Variants in RPA3 observed in about 807,000 individuals in gnomAD.
The protein encoded by RPA3 is replication protein A 14 kDa subunit.
RPA3 carries 24 observed loss-of-function variants against 13.7 expected under a neutral mutation model. The ratio of observed to expected loss-of-function variants is 1.75; its 90% CI spans 1.27 to 2.46. The LOEUF (loss-of-function observed/expected upper bound fraction) is 2.46. Among genes scored for constraint, RPA3 ranks in the 30% most tolerant of loss-of-function variants. The probability of loss-of-function intolerance (pLI) is 0.00; values close to 1 mark genes in which losing one functional copy is unlikely to be tolerated. For missense variants in RPA3, 183 were observed against 151.0 expected, an observed-to-expected ratio of 1.21 and a Z score of -1.11; for synonymous variants, 59 against 51.2, an observed-to-expected ratio of 1.15 and a Z score of -0.65.
intron 4 of RPA3, among the ~76,000 whole-genome samples, chr7:7,667,319 G>A (rs991095775): frequency 1.6e-4 from 25 of 152,180 alleles, no homozygotes; most frequent in Non-Finnish European, 4.4e-5. Flanking sequence ...AAACTACAGA[G>A]AAGGAAATGA....
chr7:7,638,982 T>C (rs1444661261), intron 6 of RPA3, 88 bp downstream of exon 6: 6 of 1,041,454 alleles, frequency 5.8e-6, no homozygotes, highest in Non-Finnish European at 8.1e-6. Flanking sequence ...TTAAATCCAT[T>C]GCAAAAATTA....
chr7:7,643,722 AAAACAAACAAACG>A (rs1330566303), intron 4 of RPA3, among the ~76,000 whole-genome samples: 2 of 5,496 alleles, frequency 3.6e-4, no homozygotes, highest in Non-Finnish European at 7.5e-4. Context: ...AAAAAAAAAA[AAAACAAACAAACG>A]AAAAAAAAAG....
chr7:7,710,753 A>G lies in RPA3; in HGVS notation c.-1028+4422T>C, dbSNP rs79697400. Among the ~76,000 whole-genome samples the G allele has an allele frequency of 5.2e-3, 794 of 152,336 alleles. 4 individuals carry two copies. Among genetic ancestry groups the G allele is most frequent in the African/African-American group, 0.018 (751 of 41,596 alleles). ...TGCATAAAACTGAGTATTTATAGCA[A>G]TTTTATTCATAATAGACCCAAACTG... On this transcript the variant is annotated intron_variant, in intron 2 of 7. Coordinates refer to ENST00000223129, the MANE Select transcript of RPA3 (RefSeq NM_002947.5).
intron 4 of RPA3, among the ~76,000 whole-genome samples, chr7:7,659,533 T>C (rs904932907): frequency 1.3e-5 from 2 of 152,226 alleles, no homozygotes; most frequent in Non-Finnish European, 2.9e-5. Flanking sequence ...TCAAAGAACA[T>C]CTTTATTTCT....
intron 2 of RPA3, among the ~76,000 whole-genome samples, chr7:7,688,054 G>A (rs1414536887): frequency 6.6e-6 from 1 of 152,158 alleles, no homozygotes; most frequent in African/African-American, 2.4e-5. Context: ...TATGTTAGGG[G>A]TTCTTAACCC....
At chr7:7,675,742 C>A (rs1266283466) in intron 4 of RPA3, among the ~76,000 whole-genome samples, 1 of 152,174 alleles carries the variant, frequency 6.6e-6, no homozygotes, top group Non-Finnish European at 1.5e-5. Flanking sequence ...AGCAGTTGAA[C>A]AGTCATGGTG....
At chr7:7,674,876 ATTC>A (rs1372448952) in intron 4 of RPA3, among the ~76,000 whole-genome samples, 1 of 151,982 alleles carries the variant, frequency 6.6e-6, no homozygotes, top group Non-Finnish European at 1.5e-5. Flanking sequence ...TTCACAATAA[ATTC>A]TTCTCTCAGA....
At chr7:7,710,631 A>G (rs1267295949) in intron 2 of RPA3, among the ~76,000 whole-genome samples, 1 of 152,214 alleles carries the variant, frequency 6.6e-6, no homozygotes, top group Non-Finnish European at 1.5e-5. Flanking sequence ...ATTACTCTGG[A>G]AAATAGACAG....
chr7:7,642,444 C>T (rs1052130201), intron 4 of RPA3, among the ~76,000 whole-genome samples: 4 of 147,742 alleles, frequency 2.7e-5, no homozygotes, highest in South Asian at 2.2e-4. Flanking sequence ...CAGGTGTGAG[C>T]CTTGGTGCGT....
intron 2 of RPA3, among the ~76,000 whole-genome samples, chr7:7,696,154 C>T (rs1780311188): frequency 1.3e-5 from 2 of 151,712 alleles, no homozygotes; most frequent in Non-Finnish European, 2.9e-5. Flanking sequence ...TACAGGCATG[C>T]ACCACCATGC....
At chr7:7,664,576 T>C (rs571085825) in intron 4 of RPA3, among the ~76,000 whole-genome samples, 1 of 152,336 alleles carries the variant, frequency 6.6e-6, no homozygotes, top group Admixed American at 6.5e-5. Flanking sequence ...TTTGCTTTCC[T>C]CTATACCCAC....
chr7:7,675,018 ATTT>A (rs1041552838), intron 4 of RPA3, among the ~76,000 whole-genome samples: 1 of 152,014 alleles, frequency 6.6e-6, no homozygotes, highest in South Asian at 2.1e-4. Flanking sequence ...TGTATTTAAA[ATTT>A]TTTTTAAAAT....
At chr7:7,647,305 G>C (rs958567115) in intron 4 of RPA3, among the ~76,000 whole-genome samples, 1 of 152,118 alleles carries the variant, frequency 6.6e-6, no homozygotes, top group African/African-American at 2.4e-5. Flanking sequence ...ATAATTCCCA[G>C]TGAAACTGCA....
intron 2 of RPA3, among the ~76,000 whole-genome samples, chr7:7,688,928 G>C: frequency 6.6e-6 from 1 of 152,044 alleles, no homozygotes; most frequent in East Asian, 1.9e-4. Context: ...ATAAGTCTTT[G>C]TTAACTTATC....
At chr7:7,676,305 A>G in intron 4 of RPA3, 1 of 394,684 alleles carries the variant, frequency 2.5e-6, no homozygotes, top group East Asian at 3.6e-5. Context: ...AAATGAGTTA[A>G]TGTGTGTAAA....
At position 7,678,363 on chromosome 7, in the gene RPA3, C is replaced by A. The variant is rs111643520; in HGVS notation, c.-758+7467G>T. 3.0e-3 allele frequency among the ~76,000 whole-genome samples: 446 copies of A among 146,676 alleles called. 1 individual carries two copies. The highest frequency in any genetic ancestry group is 0.011 in the African/African-American group (428 of 39,868). The stretch of plus-strand genomic sequence containing the variant: ...CAATATTGAACGTTTTTTTAATATG[C>A]CTATTGGTCATTTTGTATGTCTTGA... On this transcript the variant is annotated intron_variant, in intron 4 of 7. Coordinates refer to ENST00000223129, the MANE Select transcript of RPA3 (RefSeq NM_002947.5).
At chr7:7,701,391 T>G (rs1278390209) in intron 2 of RPA3, among the ~76,000 whole-genome samples, 2 of 151,058 alleles carry the variant, frequency 1.3e-5, no homozygotes, top group Non-Finnish European at 2.9e-5. Context: ...CTACAGACAA[T>G]CTATGTGACA....
intron 2 of RPA3, among the ~76,000 whole-genome samples, chr7:7,688,732 A>G (rs1210967576): frequency 2.6e-5 from 4 of 152,120 alleles, no homozygotes; most frequent in African/African-American, 7.2e-5. Flanking sequence ...CTTGCCAATT[A>G]TGTTGTAACC....
chr7:7,637,791 T>C (rs1236956608), intron 7 of RPA3, 73 bp downstream of exon 7: 1 of 631,298 alleles, frequency 1.6e-6, no homozygotes, highest in African/African-American at 1.8e-5. Flanking sequence ...TGTTATGTAA[T>C]TACATACAGT....
Sources: gnomAD v4.1 joint callset for allele counts (sites outside exome capture counted in the v4.1 genomes callset) on GRCh38, gnomAD v4.1.1 for gene constraint, MANE v1.5 for transcripts, NCBI Gene and HGNC (gene_info 2026-07-23, HGNC 2026-07-21) for gene names.